CSN2: variants seen among roughly 807,000 people sequenced by gnomAD.
CSN2 encodes beta-casein.
CSN2 carries 27 observed loss-of-function variants against 27.3 expected under a neutral mutation model. That is an observed-to-expected ratio of 0.99 (90% CI 0.73 to 1.36). The LOEUF (loss-of-function observed/expected upper bound fraction) is 1.36. CSN2 is among the 40% of genes most tolerant of loss of function. The pLI is 0.00. For missense variants in CSN2, 333 were observed against 264.5 expected (o/e 1.26, Z -1.80); for synonymous variants, 131 against 94.8 (o/e 1.38, Z -2.22).
Position 69,957,601 on chromosome 4 carries a change from A to G in CSN2, c.348T>C (p.Pro116=), listed in dbSNP as rs1015030365. ...AGGGTATCGTTGGAGATTTAAGGAC[A>G]GGCATCACTCTGCCCTTAGTGTAGA... ...DTVYTKGRVM[P]VLKSPTIPFF... is the part of the protein sequence containing the mutation. Residue 116 remains proline, a synonymous_variant, in exon 6 of 8, where the codon CCT becomes CCC. Transcript: ENST00000353151. 3.1e-6 allele frequency: 5 copies of G among 1,614,016 alleles called. No individual in the cohort carries two copies. Among genetic ancestry groups the G allele is most frequent in the Non-Finnish European group, 4.2e-6 (5 of 1,179,984 alleles).
Position 69,956,808 on chromosome 4 carries a change from T to C in CSN2, c.676-453A>G, listed in dbSNP as rs182400209. On this transcript the variant is annotated intron_variant, in intron 6 of 7. Transcript: ENST00000353151. ...TTAAACCAGAATTCATGCAATAGTT[T>C]TTTTCTCAACACTCAGTTTCCTCTA... Among the ~76,000 whole-genome samples the C allele has an allele frequency of 7.6e-4, 115 of 152,312 alleles. 1 individual carries two copies. Among genetic ancestry groups the C allele is most frequent in the African/African-American group, 2.7e-3 (113 of 41,578 alleles).
chr4:69,965,657 C>T (rs1723784846), intron 1 of CSN2, among the ~76,000 whole-genome samples, 24 bp downstream of exon 1: 3 of 151,632 alleles, frequency 2.0e-5, no homozygotes, highest in African/African-American at 7.3e-5. Context: ...GAAGATACAA[C>T]AAATTTGTAT....
rs146988755 is a variant in CSN2 at position 69,957,328 on chromosome 4, G to T, written c.621C>A (p.Thr207=). ...LLNQELLLNP[T]HQIYPVTQPL... is the part of the protein sequence containing the mutation. ...GCTGAGTCACAGGGTAGATCTGGTG[G>T]GTGGGGTTAAGTAGAAGTTCTTGGT... The change falls in exon 6 of 8, where the codon ACC becomes ACA. Residue 207 remains threonine (T), a synonymous_variant. Coordinates refer to ENST00000353151, the MANE Select transcript of CSN2 (RefSeq NM_001891.4). 221 of 1,605,882 alleles carry T rather than the reference G, an allele frequency of 1.4e-4. No individual in the cohort carries two copies. The highest frequency in any genetic ancestry group is 1.8e-4 in the Non-Finnish European group (211 of 1,175,326).
intron 3 of CSN2, among the ~76,000 whole-genome samples, chr4:69,959,836 G>A (rs1723514345): frequency 6.6e-6 from 1 of 151,536 alleles, no homozygotes; most frequent in South Asian, 2.1e-4. Context: ...AAAAAAAGAA[G>A]CAAAATAACA....
rs1006189006 is a variant in CSN2 at position 69,960,935 on chromosome 4, G to A, written c.51+10C>T. On this transcript the variant is annotated intron_variant, in intron 2 of 7. Transcript: ENST00000353151. ...ATTGATTGTTTAGGAATTTTTTCTT[G>A]TGCACATACCTCCCTTGCAAGAGCA... is the stretch of plus-strand genomic sequence containing the variant. 1.9e-6 allele frequency: 3 copies of A among 1,611,506 alleles called. No individual in the cohort carries two copies. The highest frequency in any genetic ancestry group is 2.7e-5 in the African/African-American group (2 of 74,778).
intron 1 of CSN2, among the ~76,000 whole-genome samples, chr4:69,964,385 TG>T (rs1228744400): frequency 2.6e-5 from 4 of 152,090 alleles, no homozygotes; most frequent in African/African-American, 9.7e-5. Flanking sequence ...ATAATGTTTG[TG>T]CCACAATATT....
intron 2 of CSN2, 75 bp downstream of exon 2, chr4:69,960,869 GT>G: frequency 8.9e-7 from 1 of 1,117,856 alleles, no homozygotes; most frequent in Non-Finnish European, 1.4e-6. Context: ...AAAAATGTTG[GT>G]GATGTTATTC....
chr4:69,957,280 G>T lies in CSN2; in HGVS notation c.669C>A (p.Pro223=), dbSNP rs1402660559. 1 of 1,541,462 alleles carries T rather than the reference G, an allele frequency of 6.5e-7. No individual in the cohort carries two copies. The highest frequency in any genetic ancestry group is 2.0e-5 in the Admixed American group (1 of 49,334). The change falls in exon 6 of 8, where the codon CCC becomes CCA. Residue 223 remains proline (P), a synonymous_variant. Coordinates refer to ENST00000353151, the MANE Select transcript of CSN2 (RefSeq NM_001891.4). ...VTQPLAPVHN[P]ISV Reference sequence around the variant, plus strand: ...CCAGTAAATTTGGACTTACACTAATGGGGTTATGAACTGGGGCAAGTGGCT... The same window carrying T: ...CCAGTAAATTTGGACTTACACTAATTGGGTTATGAACTGGGGCAAGTGGCT...
intron 1 of CSN2, among the ~76,000 whole-genome samples, chr4:69,963,937 A>G (rs1244435433): frequency 6.6e-6 from 1 of 152,172 alleles, no homozygotes; most frequent in Non-Finnish European, 1.5e-5. Context: ...TGTGTACAAA[A>G]AAGTCACATT....
chr4:69,959,208 G>A (rs560400306), intron 3 of CSN2, 139 bp from the exon 4 acceptor site: 2 of 681,096 alleles, frequency 2.9e-6, no homozygotes, highest in East Asian at 3.2e-5. Flanking sequence ...GTATTAAACT[G>A]TTCTATATGA....
Position 69,957,377 on chromosome 4 carries a change from A to G in CSN2, c.572T>C (p.Val191Ala). Reference sequence around the variant, plus strand: ...GTTGAGCAGAAGGGCTTGAACAGGCACAGCTCTCTGAGGGTAGGGCACCAC... The same window carrying G: ...GTTGAGCAGAAGGGCTTGAACAGGCGCAGCTCTCTGAGGGTAGGGCACCAC... ...QQVVPYPQRA[V>A]PVQALLLNQE... Residue 191 changes from valine to alanine, a missense_variant, in exon 6 of 8, where the codon GTG (valine) becomes GCG (alanine). Val to Ala is a moderately conservative substitution (Grantham distance 64). Transcript: ENST00000353151. The G allele has an allele frequency of 6.2e-7, 1 of 1,613,572 alleles. No individual in the cohort carries two copies. Among genetic ancestry groups the G allele is most frequent in the Non-Finnish European group, 8.5e-7 (1 of 1,179,890 alleles).
In CSN2 at chr4:69,958,924, G is replaced by GT; in HGVS notation, c.128dup (p.Asp43GlufsTer8). On this transcript the variant is annotated frameshift_variant, in exon 5 of 8. Transcript: ENST00000353151. LOFTEE classifies it high-confidence loss of function. ...AACAAATTACCTCTCCTTGCTGCTG[G>GT]TCCTCATGTTTAACCTTCTCAACTT... 6.3e-7 allele frequency: 1 copy of GT among 1,593,444 alleles called. No homozygotes were observed. The highest frequency in any genetic ancestry group is 8.6e-7 in the Non-Finnish European group (1 of 1,165,276).
chr4:69,961,675 G>T (rs1321741166), intron 1 of CSN2, among the ~76,000 whole-genome samples: 1 of 152,192 alleles, frequency 6.6e-6, no homozygotes, highest in Non-Finnish European at 1.5e-5. Flanking sequence ...ATTGGCACAA[G>T]ACAGGGATGC....
At chr4:69,965,257 C>G (rs1723756623) in intron 1 of CSN2, among the ~76,000 whole-genome samples, 1 of 151,220 alleles carries the variant, frequency 6.6e-6, no homozygotes. Context: ...TGTAAACTAC[C>G]TGCTGGACAA....
At chr4:69,959,286 A>G (rs1723496946) in intron 3 of CSN2, among the ~76,000 whole-genome samples, 1 of 152,126 alleles carries the variant, frequency 6.6e-6, no homozygotes, top group Non-Finnish European at 1.5e-5. Flanking sequence ...AAAGCAATTA[A>G]TAGATGCTAA....
chr4:69,961,687 C>A (rs1168279235), intron 1 of CSN2, among the ~76,000 whole-genome samples: 1 of 152,178 alleles, frequency 6.6e-6, no homozygotes, highest in Non-Finnish European at 1.5e-5. Flanking sequence ...CAGGGATGCC[C>A]TCTCTCACCA....
rs1412844045 is a variant in CSN2 at position 69,965,137 on chromosome 4, T to A, written c.-13+544A>T. On this transcript the variant is annotated intron_variant, in intron 1 of 7. Coordinates refer to ENST00000353151, the MANE Select transcript of CSN2 (RefSeq NM_001891.4). ...GATAATAAACTGGGAAGTTTGAGGC[T>A]CTAGACAAGTTTGATGAGTAAACTC... is the stretch of plus-strand genomic sequence containing the variant. Among the ~76,000 whole-genome samples, 3 of 151,370 alleles carry A rather than the reference T, an allele frequency of 2.0e-5. No individual in the cohort carries two copies. In the East Asian group the frequency reaches 5.8e-4, roughly 29 times the overall value.
chr4:69,960,374 A>G (rs1414981900), intron 2 of CSN2, among the ~76,000 whole-genome samples: 1 of 151,678 alleles, frequency 6.6e-6, no homozygotes, highest in Non-Finnish European at 1.5e-5. Context: ...AATGTCTTTT[A>G]TATTTAGTAA....
intron 5 of CSN2, among the ~76,000 whole-genome samples, chr4:69,958,241 T>G (rs773666073): frequency 5.3e-5 from 8 of 152,120 alleles, no homozygotes; most frequent in South Asian, 2.1e-4. Context: ...TTTTGTTTTG[T>G]TTTGGTTTGA....
Sources: allele counts gnomAD v4.1 joint callset (sites outside exome capture counted in the v4.1 genomes callset), GRCh38; gene constraint gnomAD v4.1.1; transcripts MANE v1.5; gene names NCBI Gene and HGNC (gene_info 2026-07-23, HGNC 2026-07-21).